Variants in BIRC3 observed in about 807,000 individuals in gnomAD.
BIRC3 encodes baculoviral IAP repeat-containing protein 3.
A neutral mutation model predicts 59.0 loss-of-function variants in BIRC3; 26 were observed. That is an observed-to-expected ratio of 0.44 (90% CI 0.32 to 0.61). The LOEUF is 0.61. Ranked by LOEUF, BIRC3 falls within the 20% of genes least tolerant of loss-of-function variation. The pLI, the probability that BIRC3 is intolerant of heterozygous loss-of-function variation, is 0.04. For missense variants in BIRC3, 641 were observed against 711.5 expected (o/e 0.90, Z 1.13); for synonymous variants, 243 against 249.2 (o/e 0.98, Z 0.24).
chr11:102,336,354 G>T (rs1591526048), intron 7 of BIRC3, 134 bp downstream of exon 7: 1 of 1,037,088 alleles, frequency 9.6e-7, no homozygotes, highest in Non-Finnish European at 1.3e-6. Context: ...CACCTTGGGA[G>T]GCTGAGGCAG....
chr11:102,326,243 A>T (rs1241701603), intron 3 of BIRC3, among the ~76,000 whole-genome samples: 1 of 152,234 alleles, frequency 6.6e-6, no homozygotes, highest in Non-Finnish European at 1.5e-5. Flanking sequence ...CATGTTGGAA[A>T]ATAAGTACAA....
Position 102,338,236 on chromosome 11 carries a change from G to C in BIRC3, c.*1134G>C, listed in dbSNP as rs879449710. 1.3e-5 allele frequency: 3 copies of C among 227,354 alleles called. No homozygotes were observed. The highest frequency in any genetic ancestry group is 1.7e-5 in the Non-Finnish European group (2 of 114,404). The allele number at this position is 227,354 out of a possible 1,614,324, so 14.1% of individuals were successfully genotyped here. On this transcript the variant is annotated 3_prime_UTR_variant, in exon 9 of 9. Coordinates refer to ENST00000263464, the MANE Select transcript of BIRC3 (RefSeq NM_001165.5). Reference sequence around the variant, plus strand: ...AGGTATTAGGTCTTCAAGAGCAGAAGTAAGACTGTAATAGGGAATACTCAG... The same window carrying C: ...AGGTATTAGGTCTTCAAGAGCAGAACTAAGACTGTAATAGGGAATACTCAG...
At chr11:102,330,141 G>C (rs1951125127) in intron 5 of BIRC3, among the ~76,000 whole-genome samples, 1 of 152,158 alleles carries the variant, frequency 6.6e-6, no homozygotes, top group Non-Finnish European at 1.5e-5. Flanking sequence ...TGTCTTAGCA[G>C]AAAATCCAAG....
chr11:102,336,992 T>C lies in BIRC3; in HGVS notation c.1705T>C (p.Phe569Leu), dbSNP rs1169373239. 6.2e-6 allele frequency: 10 copies of C among 1,605,182 alleles called. No homozygotes were observed. The highest frequency in any genetic ancestry group is 1.6e-4 in the Middle Eastern group (1 of 6,064). ...VCMDKEVSIV[F>L]IPCGHLVVCK... ...TATGGACAAAGAAGTGTCCATAGTGTTTATTCCTTGTGGTCATCTAGTAGT... is the reference window on the plus strand; with the variant it reads ...TATGGACAAAGAAGTGTCCATAGTGCTTATTCCTTGTGGTCATCTAGTAGT... Residue 569 changes from phenylalanine to leucine, a missense_variant, in exon 9 of 9, where the codon TTT becomes CTT. Phe to Leu is a conservative substitution (Grantham distance 22, BLOSUM62 0). This residue lies in a region of BIRC3 where 41 missense variants were observed against 73.4 expected (regional missense o/e 0.56). Transcript: ENST00000263464.
At chr11:102,331,475 A>G (rs1336802504) in intron 6 of BIRC3, among the ~76,000 whole-genome samples, 1 of 152,096 alleles carries the variant, frequency 6.6e-6, no homozygotes, top group East Asian at 1.9e-4. Context: ...GTTTTTCCTT[A>G]ATTCATATTT....
chr11:102,335,868 A>G lies in BIRC3; in HGVS notation c.1325-98A>G, dbSNP rs1388993623. On this transcript the variant is annotated intron_variant, in intron 6 of 8. Coordinates refer to ENST00000263464, the MANE Select transcript of BIRC3 (RefSeq NM_001165.5). ...CAACATCAATGCCTTACTGATTACG[A>G]ATTAAAGATAGTTTTTATCCTGCTA... The G allele has an allele frequency of 1.1e-5, 14 of 1,276,604 alleles. No individual in the cohort carries two copies. In the East Asian group the frequency reaches 3.3e-4, roughly 30 times the overall value. The allele number at this position is 1,276,604 out of a possible 1,614,324, so 79.1% of individuals were successfully genotyped here.
In BIRC3 at chr11:102,337,885, A is replaced by G. The variant is rs1043922722; in HGVS notation, c.*783A>G. 6 of 228,898 alleles carry G rather than the reference A, an allele frequency of 2.6e-5. No homozygotes were observed. Among genetic ancestry groups the G allele is most frequent in the Admixed American group, 1.1e-4 (2 of 17,650 alleles). The allele number at this position is 228,898 out of a possible 1,614,324, so 14.2% of individuals were successfully genotyped here. On this transcript the variant is annotated 3_prime_UTR_variant, in exon 9 of 9. Transcript: ENST00000263464. Reference sequence around the variant, plus strand: ...TTGACACTTGTAGAACACGGGGTCAACACATCATAAAATCTATTATGGAAT... The same window carrying G: ...TTGACACTTGTAGAACACGGGGTCAGCACATCATAAAATCTATTATGGAAT...
rs149477216 is a variant in BIRC3, at chr11:102,325,752, G to C, written c.953+187G>C. Among the ~76,000 whole-genome samples the C allele has an allele frequency of 2.0e-5, 3 of 152,108 alleles. No individual in the cohort carries two copies. The East Asian group carries it at 5.8e-4, about 29-fold the overall frequency. On this transcript the variant is annotated intron_variant, in intron 3 of 8. Coordinates refer to ENST00000263464, the MANE Select transcript of BIRC3 (RefSeq NM_001165.5). ...ATGGACTTAAGACAACGAAGAAATAGATTTGGGGATTTTTGTTTAATTTTT... is the reference window on the plus strand; with the variant it reads ...ATGGACTTAAGACAACGAAGAAATACATTTGGGGATTTTTGTTTAATTTTT...
chr11:102,329,429 A>G lies in BIRC3; in HGVS notation c.1081+484A>G, dbSNP rs189121766. On this transcript the variant is annotated intron_variant, in intron 5 of 8. Transcript: ENST00000263464. Reference sequence around the variant, plus strand: ...AATGCAACAGAGCTAATATTTGTACAAGCCCCTCTACTCCATTATCTCATG... The same window carrying G: ...AATGCAACAGAGCTAATATTTGTACGAGCCCCTCTACTCCATTATCTCATG... Among the ~76,000 whole-genome samples the G allele has an allele frequency of 9.2e-5, 14 of 152,338 alleles. No individual in the cohort carries two copies. The East Asian group carries it at 2.5e-3, about 27-fold the overall frequency.
chr11:102,335,717 A>G (rs1158152091), intron 6 of BIRC3, among the ~76,000 whole-genome samples: 1 of 152,092 alleles, frequency 6.6e-6, no homozygotes, highest in African/African-American at 2.4e-5. Flanking sequence ...CCAGGGCTCA[A>G]GTGATCCTCC....
chr11:102,317,771 G>A (rs1181541512), intron 1 of BIRC3, among the ~76,000 whole-genome samples, 200 bp downstream of exon 1: 5 of 152,318 alleles, frequency 3.3e-5, no homozygotes, highest in Non-Finnish European at 7.4e-5. Context: ...CCAAAAGCAG[G>A]CTCTAGATAG....
chr11:102,327,836 A>T lies in BIRC3; in HGVS notation c.954-216A>T, dbSNP rs111586803. Reference sequence around the variant, plus strand: ...GTTTTAGAAAAAAAGTTTTTTTTTTAAAAGCAATACAATAGAATCAGTTCC... The same window carrying T: ...GTTTTAGAAAAAAAGTTTTTTTTTTTAAAGCAATACAATAGAATCAGTTCC... On this transcript the variant is annotated intron_variant, in intron 3 of 8. Coordinates refer to ENST00000263464, the MANE Select transcript of BIRC3 (RefSeq NM_001165.5). Among the ~76,000 whole-genome samples the T allele has an allele frequency of 0.013, 1,876 of 150,044 alleles. 28 individuals carry two copies. The highest frequency in any genetic ancestry group is 0.044 in the African/African-American group (1,748 of 39,604).
chr11:102,318,045 C>G, intron 1 of BIRC3, among the ~76,000 whole-genome samples: 1 of 152,274 alleles, frequency 6.6e-6, no homozygotes, highest in Admixed American at 6.5e-5. Flanking sequence ...CCTAGTAGTG[C>G]TCTTACTCTG....
At chr11:102,319,749 C>G in intron 1 of BIRC3, 1 of 152,466 alleles carries the variant, frequency 6.6e-6, no homozygotes, top group Non-Finnish European at 1.5e-5. Context: ...TAAGGGATGG[C>G]AGAGGAGTCT....
At chr11:102,329,925 TTAAAG>T (rs1463630486) in intron 5 of BIRC3, among the ~76,000 whole-genome samples, 2 of 119,102 alleles carry the variant, frequency 1.7e-5, no homozygotes, top group Non-Finnish European at 3.4e-5. Context: ...ACCCTAGAAC[TTAAAG>T]TAAAATAATT....
In BIRC3 at chr11:102,322,142, T is replaced by A; in HGVS notation, c.-2368T>A. 1 of 205,254 alleles carries A rather than the reference T, an allele frequency of 4.9e-6. No homozygotes were observed. The highest frequency in any genetic ancestry group is 1.0e-5 in the Non-Finnish European group (1 of 100,382). The allele number at this position is 205,254 out of a possible 1,614,324, so 12.7% of individuals were successfully genotyped here. A position where few individuals can be genotyped will look rare whatever the true frequency, so the allele number is the denominator to read the frequency against. ...TATTGTTAAAGCATTTTTTTCAGAG[T>A]TGGCCAGGCAGTCTCCTACTGGCAC... On this transcript the variant is annotated 5_prime_UTR_variant, in exon 2 of 9. It adds an upstream start codon to the 5' untranslated region. Coordinates refer to ENST00000263464, the MANE Select transcript of BIRC3 (RefSeq NM_001165.5).
intron 5 of BIRC3, among the ~76,000 whole-genome samples, chr11:102,329,617 A>G (rs897643464): frequency 6.6e-6 from 1 of 152,216 alleles, no homozygotes. Flanking sequence ...CATAAAAAGG[A>G]TGAGTTCATG....
chr11:102,332,423 C>T (rs1374851323), intron 6 of BIRC3, among the ~76,000 whole-genome samples: 4 of 152,178 alleles, frequency 2.6e-5, no homozygotes, highest in East Asian at 3.9e-4. Flanking sequence ...TTAGTGCCCC[C>T]GGGCTCATCC....
At chr11:102,325,752 G>A (rs149477216) in intron 3 of BIRC3, among the ~76,000 whole-genome samples, 187 bp downstream of exon 3, 1 of 151,992 alleles carries the variant, frequency 6.6e-6, no homozygotes, top group Non-Finnish European at 1.5e-5. Flanking sequence ...CGAAGAAATA[G>A]ATTTGGGGAT....
Sources: gnomAD v4.1 joint callset for allele counts (sites outside exome capture counted in the v4.1 genomes callset) on GRCh38, gnomAD v4.1.1 for gene constraint, gnomAD v4.1.1 regional missense constraint, MANE v1.5 for transcripts, NCBI Gene and HGNC (gene_info 2026-07-23, HGNC 2026-07-21) for gene names.